The following UBE3A variants were observed in gnomAD, a reference collection of about 807,000 sequenced individuals.
UBE3A encodes the protein ubiquitin protein ligase E3A, also known as ubiquitin-protein ligase E3A.
UBE3A carries 6 observed loss-of-function variants against 83.4 expected under a neutral mutation model. The observed-to-expected ratio is 0.07, with a 90% CI of 0.04 to 0.14. The LOEUF (loss-of-function observed/expected upper bound fraction) is 0.14. UBE3A is among the 10% of genes least tolerant of loss of function. The probability of loss-of-function intolerance (pLI) is 1.00; values close to 1 mark genes in which losing one functional copy is unlikely to be tolerated. For missense variants in UBE3A, 456 were observed against 1,036.1 expected (o/e 0.44, Z 7.69); for synonymous variants, 337 against 355.4 (o/e 0.95, Z 0.58).
Position 25,335,234 on chromosome 15 carries a change from T to C in UBE3A, c.*3903A>G, listed in dbSNP as rs945350231. 3 of 152,236 alleles carry C rather than the reference T, an allele frequency of 2.0e-5. No individual in the cohort carries two copies. The East Asian group carries it at 5.8e-4, about 29-fold the overall frequency. 9.4% of individuals were successfully genotyped at this position (152,236 alleles called of 1,614,324 possible). On this transcript the variant is annotated 3_prime_UTR_variant, in exon 13 of 13. Transcript: ENST00000648336. Reference sequence around the variant, plus strand: ...GGCACTTTGGGGGTTGATGAAGTCTTCATGGATGAGGTACTTTAAATATCT... The same window carrying C: ...GGCACTTTGGGGGTTGATGAAGTCTCCATGGATGAGGTACTTTAAATATCT...
chr15:25,357,957 T>A (rs988869742), intron 7 of UBE3A, among the ~76,000 whole-genome samples: 6 of 134,728 alleles, frequency 4.5e-5, no homozygotes, highest in African/African-American at 1.7e-4. Context: ...CAAGCTGGAG[T>A]GCAGCAGCAC....
intron 11 of UBE3A, among the ~76,000 whole-genome samples, chr15:25,351,307 G>T (rs1410348934): frequency 1.3e-5 from 2 of 152,134 alleles, no homozygotes; most frequent in African/African-American, 4.8e-5. Context: ...GAGGAATAAA[G>T]AATTCGAGTA....
chr15:25,340,592 T>C (rs1595380449), intron 11 of UBE3A, among the ~76,000 whole-genome samples: 1 of 152,130 alleles, frequency 6.6e-6, no homozygotes, highest in South Asian at 2.1e-4. Context: ...AAATGAATAT[T>C]TGGAAAAATT....
intron 4 of UBE3A, among the ~76,000 whole-genome samples, chr15:25,382,785 A>G (rs958480446): frequency 1.7e-4 from 26 of 152,186 alleles, no homozygotes; most frequent in African/African-American, 6.3e-4. Flanking sequence ...CTGCTGCCAC[A>G]GAAATAAATA....
rs1197254500 is a variant in UBE3A, at chr15:25,338,269, G to C, written c.*868C>G. 4 of 152,006 alleles carry C rather than the reference G, an allele frequency of 2.6e-5. No homozygotes were observed. Among genetic ancestry groups the C allele is most frequent in the African/African-American group, 9.7e-5 (4 of 41,350 alleles). The allele number at this position is 152,006 out of a possible 1,614,324, so 9.4% of individuals were successfully genotyped here. A position where few individuals can be genotyped will look rare whatever the true frequency, so the allele number is the denominator to read the frequency against. On this transcript the variant is annotated 3_prime_UTR_variant, in exon 13 of 13. Coordinates refer to ENST00000648336, the MANE Select transcript of UBE3A (RefSeq NM_130839.5). Reference sequence around the variant, plus strand: ...TTCCTAACTTTGTTGCAATAGGCTTGACTACCATTTCATTTGGCCAAATGC... The same window carrying C: ...TTCCTAACTTTGTTGCAATAGGCTTCACTACCATTTCATTTGGCCAAATGC...
At chr15:25,358,032 T>C (rs930364689) in intron 7 of UBE3A, among the ~76,000 whole-genome samples, 1 of 151,004 alleles carries the variant, frequency 6.6e-6, no homozygotes. Context: ...TCCGGAGTAG[T>C]TGGGACTACA....
rs2073970714 is a variant in UBE3A at position 25,336,551 on chromosome 15, A to ATATG, written c.*2582_*2585dup. ...GAAGCCTTTTTCAAGTTTCTTTTTG[A>ATATG]TATGTATCTATCTATCTATCATCTC... On this transcript the variant is annotated 3_prime_UTR_variant, in exon 13 of 13. Transcript: ENST00000648336. The ATATG allele has an allele frequency of 6.8e-6, 1 of 146,748 alleles. No individual in the cohort carries two copies. Among genetic ancestry groups the ATATG allele is most frequent in the Admixed American group, 6.9e-5 (1 of 14,590 alleles). The allele number at this position is 146,748 out of a possible 1,614,324, so 9.1% of individuals were successfully genotyped here. A position where few individuals can be genotyped will look rare whatever the true frequency, so the allele number is the denominator to read the frequency against.
Position 25,351,499 on chromosome 15 carries a change from T to C in UBE3A, c.2354+2854A>G, listed in dbSNP as rs557889582. Among the ~76,000 whole-genome samples the C allele has an allele frequency of 2.0e-4, 30 of 152,336 alleles. No individual in the cohort carries two copies. In the East Asian group the frequency reaches 5.2e-3, roughly 27 times the overall value. ...TTTTTCGTTTTTTTGAGATGGAATC[T>C]CACTCTGTTGCCCAGGCTGGAGTGC... On this transcript the variant is annotated intron_variant, in intron 11 of 12. Transcript: ENST00000648336.
chr15:25,343,896 G>GT (rs139674819), intron 11 of UBE3A, among the ~76,000 whole-genome samples: 3,578 of 152,214 alleles, frequency 0.024, 151 homozygotes, highest in African/African-American at 0.082. Context: ...CTCAAAAATT[G>GT]TAACTATAGT....
At chr15:25,419,346 CAAT>C (rs1350822640) in intron 1 of UBE3A, 1 of 151,994 alleles carries the variant, frequency 6.6e-6, no homozygotes, top group Admixed American at 6.6e-5. Flanking sequence ...AGATAGAAGA[CAAT>C]AACAAATAGA....
intron 6 of UBE3A, among the ~76,000 whole-genome samples, chr15:25,369,004 A>C (rs919456669): frequency 7.9e-5 from 12 of 152,262 alleles, no homozygotes; most frequent in African/African-American, 2.6e-4. Flanking sequence ...AAGAAGCCAA[A>C]CATAAAGTAT....
chr15:25,437,368 T>G (rs1895407458), intron 1 of UBE3A, among the ~76,000 whole-genome samples: 2 of 152,218 alleles, frequency 1.3e-5, no homozygotes, highest in Non-Finnish European at 1.5e-5. Context: ...CTTGTCCAAT[T>G]TATTCAACAA....
chr15:25,339,357 G>C, intron 12 of UBE3A, 100 bp from the exon 13 acceptor site: 4 of 1,427,858 alleles, frequency 2.8e-6, no homozygotes, highest in African/African-American at 1.4e-5. Flanking sequence ...TAGTTGAGAC[G>C]GTCTGCAATG....
chr15:25,350,786 G>A (rs892145811), intron 11 of UBE3A, among the ~76,000 whole-genome samples: 1 of 152,084 alleles, frequency 6.6e-6, no homozygotes, highest in African/African-American at 2.4e-5. Context: ...GCAATAACAT[G>A]GATGAATCTA....
In UBE3A at chr15:25,337,016, T is replaced by G. The variant is rs1230871981; in HGVS notation, c.*2121A>C. ...AAGAGGAGTGACAACATGCCCGGCA[T>G]AATTAAGCAAGCTAGAGCAGCTATT... is the stretch of plus-strand genomic sequence containing the variant. On this transcript the variant is annotated 3_prime_UTR_variant, in exon 13 of 13. Transcript: ENST00000648336. The G allele has an allele frequency of 6.6e-6, 1 of 152,154 alleles. No homozygotes were observed. The highest frequency in any genetic ancestry group is 1.9e-4 in the East Asian group (1 of 5,190). The allele number at this position is 152,154 out of a possible 1,614,324, so 9.4% of individuals were successfully genotyped here. A position where few individuals can be genotyped will look rare whatever the true frequency, so the allele number is the denominator to read the frequency against.
intron 1 of UBE3A, among the ~76,000 whole-genome samples, chr15:25,427,369 G>A (rs1343870096): frequency 6.6e-6 from 1 of 151,768 alleles, no homozygotes; most frequent in East Asian, 1.9e-4. Flanking sequence ...GAAGGAAGAT[G>A]GATAACTCAA....
At chr15:25,364,078 T>TAAATAAATAAA in intron 6 of UBE3A, among the ~76,000 whole-genome samples, 1 of 74,228 alleles carries the variant, frequency 1.3e-5, no homozygotes, top group Non-Finnish European at 3.1e-5. Context: ...AAATAAAAAA[T>TAAATAAATAAA]AGTGGGGGGT....
At chr15:25,406,451 C>T (rs1167754242) in intron 3 of UBE3A, among the ~76,000 whole-genome samples, 5 of 152,118 alleles carry the variant, frequency 3.3e-5, no homozygotes, top group South Asian at 4.1e-4. Context: ...TTTCATTTCA[C>T]GAGATATGAA....
chr15:25,435,356 C>G (rs939064404), intron 1 of UBE3A, among the ~76,000 whole-genome samples: 2 of 152,130 alleles, frequency 1.3e-5, no homozygotes, highest in African/African-American at 4.8e-5. Flanking sequence ...ATAGAAGCCA[C>G]AGGAGGAACC....
Sources: gnomAD v4.1 joint callset for allele counts (sites outside exome capture counted in the v4.1 genomes callset) on GRCh38, gnomAD v4.1.1 for gene constraint, MANE v1.5 for transcripts, NCBI Gene and HGNC (gene_info 2026-07-23, HGNC 2026-07-21) for gene names.